JARID2: variants seen among roughly 807,000 people sequenced by gnomAD.
The protein encoded by JARID2 is jumonji and AT-rich interaction domain containing 2, also known as protein Jumonji.
Under a neutral mutation model 125.6 loss-of-function variants are expected in JARID2, and 21 were observed. That is an observed-to-expected ratio of 0.17 (90% CI 0.12 to 0.24). The LOEUF is 0.24. Among genes scored for constraint, JARID2 ranks in the 10% least tolerant of loss-of-function variants. JARID2 has a pLI of 1.00. For synonymous variants in JARID2, 736 were observed against 661.6 expected (o/e 1.11, Z -1.73); for missense variants, 1,303 against 1,639.6 (o/e 0.79, Z 3.55).
intron 5 of JARID2, among the ~76,000 whole-genome samples, chr6:15,485,786 A>T (rs939448270): frequency 6.6e-5 from 10 of 152,220 alleles, no homozygotes; most frequent in African/African-American, 2.4e-4. Flanking sequence ...AATTTATAAG[A>T]CATTAATATA....
intron 1 of JARID2, among the ~76,000 whole-genome samples, chr6:15,249,847 G>C (rs904885975): frequency 2.6e-5 from 4 of 152,132 alleles, no homozygotes; most frequent in African/African-American, 9.7e-5. Flanking sequence ...ATTGTGTTGA[G>C]CACGACTCCC....
At chr6:15,296,518 T>G (rs2127404026) in intron 1 of JARID2, among the ~76,000 whole-genome samples, 1 of 152,304 alleles carries the variant, frequency 6.6e-6, no homozygotes, top group Non-Finnish European at 1.5e-5. Context: ...GTGACAGTAT[T>G]CTCTCTCCCT....
At chr6:15,399,303 T>C (rs1765334874) in intron 2 of JARID2, among the ~76,000 whole-genome samples, 1 of 152,218 alleles carries the variant, frequency 6.6e-6, no homozygotes, top group African/African-American at 2.4e-5. Flanking sequence ...GCCTCCTGTC[T>C]GTTGAGACAT....
intron 4 of JARID2, among the ~76,000 whole-genome samples, chr6:15,461,504 C>T (rs1768447866): frequency 6.6e-6 from 1 of 152,172 alleles, no homozygotes; most frequent in South Asian, 2.1e-4. Context: ...TGCGTCATCC[C>T]TCCTTGTTCC....
At chr6:15,481,352 A>C (rs1376352687) in intron 5 of JARID2, among the ~76,000 whole-genome samples, 1 of 152,172 alleles carries the variant, frequency 6.6e-6, no homozygotes, top group African/African-American at 2.4e-5. Context: ...AAACTAGTCC[A>C]ATTATTTCTT....
chr6:15,343,666 T>A (rs1299272172), intron 1 of JARID2, among the ~76,000 whole-genome samples: 1 of 152,200 alleles, frequency 6.6e-6, no homozygotes, highest in Non-Finnish European at 1.5e-5. Flanking sequence ...ATTGAGCAGA[T>A]GTTCTCTGAG....
intron 3 of JARID2, among the ~76,000 whole-genome samples, chr6:15,447,992 G>T (rs1286050739): frequency 1.3e-5 from 2 of 152,186 alleles, no homozygotes; most frequent in Admixed American, 6.5e-5. Context: ...TCAGGATTTG[G>T]CTGTGCCATT....
In JARID2 at chr6:15,517,626, A is replaced by G. The variant is rs1028783691; in HGVS notation, c.3558+358A>G. On this transcript the variant is annotated intron_variant, in intron 17 of 17. Transcript: ENST00000341776. Reference sequence around the variant, plus strand: ...GGGATGGTTGGCAGTGGCCTCTCCAATCTGCACTAACTTGACACCAGCCCC... The same window carrying G: ...GGGATGGTTGGCAGTGGCCTCTCCAGTCTGCACTAACTTGACACCAGCCCC... Among the ~76,000 whole-genome samples, 5 of 152,284 alleles carry G rather than the reference A, an allele frequency of 3.3e-5. No individual in the cohort carries two copies. The East Asian group carries it at 5.8e-4, about 18-fold the overall frequency.
At chr6:15,362,489 G>C (rs1763833286) in intron 1 of JARID2, among the ~76,000 whole-genome samples, 1 of 152,186 alleles carries the variant, frequency 6.6e-6, no homozygotes, top group African/African-American at 2.4e-5. Flanking sequence ...GTAAACACTG[G>C]CATTTGTTTG....
At chr6:15,364,320 C>G (rs982277257) in intron 1 of JARID2, among the ~76,000 whole-genome samples, 3 of 152,188 alleles carry the variant, frequency 2.0e-5, no homozygotes, top group Non-Finnish European at 4.4e-5. Context: ...TTTTGGCCAC[C>G]CTGTGGGTAC....
chr6:15,285,106 G>GTTT (rs199945772), intron 1 of JARID2, among the ~76,000 whole-genome samples: 1,996 of 119,356 alleles, frequency 0.017, 128 homozygotes, highest in African/African-American at 0.06. Flanking sequence ...GTCTTTCTGG[G>GTTT]TTTTTTTTTT....
chr6:15,479,452 T>C (rs1319406822), intron 5 of JARID2, among the ~76,000 whole-genome samples: 1 of 152,238 alleles, frequency 6.6e-6, no homozygotes, highest in Non-Finnish European at 1.5e-5. Flanking sequence ...TTGCACATAA[T>C]GCATTCACAC....
At chr6:15,291,867 G>A (rs1333848686) in intron 1 of JARID2, among the ~76,000 whole-genome samples, 1 of 151,796 alleles carries the variant, frequency 6.6e-6, no homozygotes, top group Non-Finnish European at 1.5e-5. Flanking sequence ...TACAATTTTT[G>A]TTTTTCTATT....
At chr6:15,265,229 G>A (rs1644526593) in intron 1 of JARID2, among the ~76,000 whole-genome samples, 1 of 152,094 alleles carries the variant, frequency 6.6e-6, no homozygotes, top group Non-Finnish European at 1.5e-5. Context: ...AATGTTGGCC[G>A]GATCCAGCCC....
intron 5 of JARID2, among the ~76,000 whole-genome samples, chr6:15,469,414 G>A (rs1373136352): frequency 4.0e-5 from 2 of 50,500 alleles, no homozygotes; most frequent in East Asian, 6.1e-4. Context: ...CCCCCTCTCC[G>A]CTTCTCCGCT....
rs529711023 is a variant in JARID2, at chr6:15,372,020, C to G, written c.46-2097C>G. On this transcript the variant is annotated intron_variant, in intron 1 of 17. Transcript: ENST00000341776. The stretch of plus-strand genomic sequence containing the variant: ...TCTTGCTGTAGAAGATGGAGAATTA[C>G]TCTCATTCTAGGAAATCTGTGAAGC... 3.9e-5 allele frequency among the ~76,000 whole-genome samples: 6 copies of G among 152,326 alleles called. No homozygotes were observed. In the East Asian group the frequency reaches 1.2e-3, roughly 29 times the overall value.
At chr6:15,260,180 C>G (rs1242954475) in intron 1 of JARID2, among the ~76,000 whole-genome samples, 2 of 152,154 alleles carry the variant, frequency 1.3e-5, no homozygotes, top group East Asian at 1.9e-4. Flanking sequence ...CAGTTTATCA[C>G]TTTTTTCCAC....
chr6:15,459,276 A>T (rs939085494), intron 4 of JARID2, among the ~76,000 whole-genome samples: 28 of 152,248 alleles, frequency 1.8e-4, no homozygotes, highest in African/African-American at 6.3e-4. Context: ...TGGATACTCA[A>T]GTCCATTATG....
At chr6:15,396,761 G>A (rs1765235231) in intron 2 of JARID2, among the ~76,000 whole-genome samples, 1 of 152,202 alleles carries the variant, frequency 6.6e-6, no homozygotes, top group African/African-American at 2.4e-5. Context: ...GACCATGGCT[G>A]ACTGAAACCT....
Sources: gnomAD v4.1 joint callset for allele counts (sites outside exome capture counted in the v4.1 genomes callset) on GRCh38, gnomAD v4.1.1 for gene constraint, MANE v1.5 for transcripts, NCBI Gene and HGNC (gene_info 2026-07-23, HGNC 2026-07-21) for gene names.